The following PRRC2C variants were observed in gnomAD, a reference collection of about 807,000 sequenced individuals.
PRRC2C encodes proline rich coiled-coil 2C, also known as protein PRRC2C.
In PRRC2C, 72 loss-of-function variants were observed where a neutral mutation model predicts 317.2. That is an observed-to-expected ratio of 0.23 (90% confidence interval 0.19 to 0.28). The LOEUF (loss-of-function observed/expected upper bound fraction) is 0.28. PRRC2C is among the 10% of genes least tolerant of loss of function. PRRC2C has a pLI of 1.00. For missense variants in PRRC2C, 3,074 were observed against 3,459.7 expected (o/e 0.89, Z 2.80); for synonymous variants, 1,296 against 1,205.9 (o/e 1.07, Z -1.55).
intron 28 of PRRC2C, among the ~76,000 whole-genome samples, chr1:171,582,868 A>AC (rs1054950703): frequency 6.6e-6 from 1 of 151,500 alleles, no homozygotes; most frequent in Non-Finnish European, 1.5e-5. Context: ...AAAAAAAAAA[A>AC]AACAAATTTT....
intron 2 of PRRC2C, 85 bp downstream of exon 2, chr1:171,512,285 A>T (rs1397939290): frequency 1.0e-6 from 1 of 972,722 alleles, no homozygotes; most frequent in East Asian, 2.8e-5. Context: ...AGAAGCTAGG[A>T]TGTACCCAAG....
At chr1:171,522,972 A>G (rs897084010) in intron 7 of PRRC2C, among the ~76,000 whole-genome samples, 7 of 151,756 alleles carry the variant, frequency 4.6e-5, no homozygotes, top group Non-Finnish European at 1.0e-4. Context: ...TATCCTTTTA[A>G]CATATTTGTT....
At position 171,585,459 on chromosome 1, in the gene PRRC2C, A is replaced by G. The variant is rs960650649; in HGVS notation, c.7749+933A>G. On this transcript the variant is annotated intron_variant, in intron 30 of 34. Coordinates refer to ENST00000647382, the MANE Select transcript of PRRC2C (RefSeq NM_001387844.1). ...GGAGGGCTGGTGGGGGAACAAAGTCATTAGTCATTTTCTTATAACTGTTGT... is the reference window on the plus strand; with the variant it reads ...GGAGGGCTGGTGGGGGAACAAAGTCGTTAGTCATTTTCTTATAACTGTTGT... Among the ~76,000 whole-genome samples, 5 of 152,176 alleles carry G rather than the reference A, an allele frequency of 3.3e-5. No homozygotes were observed. The East Asian group carries it at 9.6e-4, about 29-fold the overall frequency.
At chr1:171,579,493 G>A in intron 27 of PRRC2C, 27 bp downstream of exon 27, 2 of 1,608,060 alleles carry the variant, frequency 1.2e-6, no homozygotes, top group Middle Eastern at 1.7e-4. Context: ...CTTCCATCCT[G>A]TATTTGTTCC....
intron 20 of PRRC2C, among the ~76,000 whole-genome samples, chr1:171,562,223 T>C (rs1163298174): frequency 6.6e-6 from 1 of 152,170 alleles, no homozygotes; most frequent in East Asian, 1.9e-4. Context: ...ATGAATGCCA[T>C]GAGACAGGAG....
chr1:171,558,920 G>A (rs1436261903), intron 19 of PRRC2C, among the ~76,000 whole-genome samples: 6 of 152,202 alleles, frequency 3.9e-5, no homozygotes. Flanking sequence ...CAACACTAAT[G>A]ATAAGAAAGT....
At chr1:171,571,211 C>G in intron 23 of PRRC2C, 109 bp from the exon 24 acceptor site, 1 of 573,878 alleles carries the variant, frequency 1.7e-6, no homozygotes, top group Non-Finnish European at 3.1e-6. Context: ...TTTCTGTTAG[C>G]TCTGATGAAA....
intron 7 of PRRC2C, 139 bp downstream of exon 7, chr1:171,522,398 A>G (rs1432935698): frequency 2.8e-5 from 13 of 461,306 alleles, no homozygotes; most frequent in African/African-American, 4.0e-5. Context: ...TTAGTAAATA[A>G]TTGGCTAACT....
intron 6 of PRRC2C, among the ~76,000 whole-genome samples, chr1:171,521,533 T>G (rs1673553219): frequency 1.3e-5 from 2 of 152,208 alleles, no homozygotes; most frequent in Non-Finnish European, 2.9e-5. Context: ...TCTGGGTAGC[T>G]CTCTGTCCCC....
chr1:171,591,678 A>C lies in PRRC2C; in HGVS notation c.8528A>C (p.Lys2843Thr). 6.2e-7 allele frequency: 1 copy of C among 1,613,932 alleles called. No homozygotes were observed. The highest frequency in any genetic ancestry group is 8.5e-7 in the Non-Finnish European group (1 of 1,179,868). The change falls in exon 35 of 35, where the codon AAA becomes ACA. Residue 2843 changes from lysine (K) to threonine (T), a missense_variant. Around this residue, in one of 11 missense-constraint regions of PRRC2C, gnomAD observed 78 missense variants for 97.7 expected, o/e 0.80. Transcript: ENST00000647382. The stretch of plus-strand genomic sequence containing the variant: ...CAGATAGGAGGAGGCAAAGCCCAGA[A>C]AGTGGACAGTGATTCAAGTAAACCT... ...SKQIGGGKAQ[K>T]VDSDSSKPPE...
In PRRC2C at chr1:171,577,378, T is replaced by C. The variant is rs185778708; in HGVS notation, c.6956-56T>C. 367 of 1,438,170 alleles carry C rather than the reference T, an allele frequency of 2.6e-4. No individual in the cohort carries two copies. In the East Asian group the frequency reaches 8.2e-3, roughly 32 times the overall value. 89.1% of individuals were successfully genotyped at this position (1,438,170 alleles called of 1,614,324 possible). Reference sequence around the variant, plus strand: ...AGTTTCTGGTTGGTACTGTGAACAATAGCAACACTTTTAAATATGCTCTAT... The same window carrying C: ...AGTTTCTGGTTGGTACTGTGAACAACAGCAACACTTTTAAATATGCTCTAT... On this transcript the variant is annotated intron_variant, in intron 25 of 34. Coordinates refer to ENST00000647382, the MANE Select transcript of PRRC2C (RefSeq NM_001387844.1).
At chr1:171,516,325 G>A (rs1672357037) in intron 5 of PRRC2C, among the ~76,000 whole-genome samples, 1 of 152,116 alleles carries the variant, frequency 6.6e-6, no homozygotes, top group African/African-American at 2.4e-5. Context: ...TAAAATGTTC[G>A]AGGGATTTTT....
rs574081216 is a variant in PRRC2C, at chr1:171,554,770, A to G, written c.5128-2470A>G. On this transcript the variant is annotated intron_variant, in intron 18 of 34. Coordinates refer to ENST00000647382, the MANE Select transcript of PRRC2C (RefSeq NM_001387844.1). ...TTCTGGGTTGAAAATTCTTTTCTTT[A>G]AGAATGTTGAATATTGGCCCCCACT... Among the ~76,000 whole-genome samples, 3 of 152,274 alleles carry G rather than the reference A, an allele frequency of 2.0e-5. No individual in the cohort carries two copies. The East Asian group carries it at 5.8e-4, about 29-fold the overall frequency.
In PRRC2C at chr1:171,535,529, C is replaced by A. The variant is rs1557939769; in HGVS notation, c.1975C>A (p.Pro659Thr). ...ACCAGAATCAGGGTCTCAACCTCGG[C>A]CGGCTGTATTATCTGGCTATTTCAA... is the stretch of plus-strand genomic sequence containing the variant. ...TEPESGSQPR[P>T]AVLSGYFKQF... is the part of the protein sequence containing the mutation. The change falls in exon 13 of 35, where the codon CCG becomes ACG. Residue 659 changes from proline to threonine, a missense_variant. This residue lies in a region of PRRC2C where 1,320 missense variants were observed against 1,395.7 expected (regional missense o/e 0.95). Transcript: ENST00000647382. The A allele has an allele frequency of 6.2e-7, 1 of 1,613,888 alleles. No individual in the cohort carries two copies. The highest frequency in any genetic ancestry group is 8.5e-7 in the Non-Finnish European group (1 of 1,179,884).
Position 171,592,868 on chromosome 1 carries a change from CAAAT to C in PRRC2C, c.*1024_*1027del, listed in dbSNP as rs1464473621. 6.6e-6 allele frequency: 1 copy of C among 152,240 alleles called. No homozygotes were observed. Among genetic ancestry groups the C allele is most frequent in the Admixed American group, 6.5e-5 (1 of 15,284 alleles). 9.4% of individuals were successfully genotyped at this position (152,240 alleles called of 1,614,324 possible). ...CTGCTGGAAAAGTAGAATCAAGTCT[CAAAT>C]AATGCCTTTTTAATTGTATCCTCTA... On this transcript the variant is annotated 3_prime_UTR_variant, in exon 35 of 35. Transcript: ENST00000647382.
In PRRC2C at chr1:171,591,886, G is replaced by GCGCCGCC; in HGVS notation, c.*39_*40insCGCCGCC. 1 of 475,632 alleles carries GCGCCGCC rather than the reference G, an allele frequency of 2.1e-6. No individual in the cohort carries two copies. 29.5% of individuals were successfully genotyped at this position (475,632 alleles called of 1,614,324 possible). A position where few individuals can be genotyped will look rare whatever the true frequency, so the allele number is the denominator to read the frequency against. ...TTGCAGGGGATTGGGAGGGGGGCGG[G>GCGCCGCC]AAAACATGGAGAATTAAGTCAGATA... On this transcript the variant is annotated 3_prime_UTR_variant, in exon 35 of 35. Coordinates refer to ENST00000647382, the MANE Select transcript of PRRC2C (RefSeq NM_001387844.1).
At chr1:171,521,863 T>C (rs1198723898) in intron 6 of PRRC2C, among the ~76,000 whole-genome samples, 1 of 152,198 alleles carries the variant, frequency 6.6e-6, no homozygotes, top group Non-Finnish European at 1.5e-5. Context: ...ACATTACATA[T>C]CTCATTGATA....
chr1:171,585,735 T>C (rs1383992942), intron 30 of PRRC2C, among the ~76,000 whole-genome samples: 3 of 152,234 alleles, frequency 2.0e-5, no homozygotes, highest in Non-Finnish European at 2.9e-5. Context: ...TCAGTTTCTA[T>C]TCTCTTCACT....
chr1:171,559,431 GT>G (rs567821849), intron 19 of PRRC2C, among the ~76,000 whole-genome samples: 70 of 145,610 alleles, frequency 4.8e-4, no homozygotes, highest in African/African-American at 1.7e-3. Flanking sequence ...TGCTAAATCT[GT>G]TCTGCCTGTA....
Sources: gnomAD v4.1 joint callset for allele counts (sites outside exome capture counted in the v4.1 genomes callset) on GRCh38, gnomAD v4.1.1 for gene constraint, gnomAD v4.1.1 regional missense constraint, MANE v1.5 for transcripts, NCBI Gene and HGNC (gene_info 2026-07-23, HGNC 2026-07-21) for gene names.